ZBTB1: variants seen among roughly 807,000 people sequenced by gnomAD.
The protein encoded by ZBTB1 is zinc finger and BTB domain containing 1.
A neutral mutation model predicts 51.6 loss-of-function variants in ZBTB1; 13 were observed. That is an observed-to-expected ratio of 0.25 (90% CI 0.16 to 0.40). The LOEUF (loss-of-function observed/expected upper bound fraction) is 0.40, where lower values mean the gene tolerates loss of function less well. Ranked by LOEUF, ZBTB1 falls within the 10% of genes least tolerant of loss-of-function variation. ZBTB1 has a pLI of 1.00. For missense variants in ZBTB1, 567 were observed against 856.5 expected, an observed-to-expected ratio of 0.66 and a Z score of 4.22; for synonymous variants, 240 against 282.2, an observed-to-expected ratio of 0.85 and a Z score of 1.50.
intron 1 of ZBTB1, among the ~76,000 whole-genome samples, chr14:64,515,820 C>G: frequency 6.6e-6 from 1 of 152,122 alleles, no homozygotes; most frequent in Non-Finnish European, 1.5e-5. Flanking sequence ...TGCCCGGCCT[C>G]AAAAATTTTT....
At chr14:64,518,930 A>ATATG (rs1291359086) in intron 1 of ZBTB1, among the ~76,000 whole-genome samples, 1 of 143,040 alleles carries the variant, frequency 7.0e-6, no homozygotes, top group East Asian at 2.0e-4. Flanking sequence ...ATATATATAT[A>ATATG]TATATAGTAT....
chr14:64,512,331 G>T (rs577160614), intron 1 of ZBTB1, among the ~76,000 whole-genome samples: 1 of 152,170 alleles, frequency 6.6e-6, no homozygotes, highest in African/African-American at 2.4e-5. Flanking sequence ...CACATATTAA[G>T]TGTCAACTAT....
chr14:64,506,145 C>G (rs1202788800), intron 1 of ZBTB1, among the ~76,000 whole-genome samples: 1 of 152,188 alleles, frequency 6.6e-6, no homozygotes, highest in Non-Finnish European at 1.5e-5. Flanking sequence ...AACCTCAAAA[C>G]TTTGCTTTTG....
chr14:64,517,781 ATTTTTTTTTT>A (rs10590459), intron 1 of ZBTB1, among the ~76,000 whole-genome samples: 6 of 41,550 alleles, frequency 1.4e-4, no homozygotes, highest in African/African-American at 4.4e-4. Context: ...ATATATATAT[ATTTTTTTTTT>A]TTTTTTTTTT....
downstream of ZBTB1, among the ~76,000 whole-genome samples, chr14:64,525,890 G>A (rs766615205): frequency 2.0e-5 from 3 of 151,964 alleles, no homozygotes; most frequent in Non-Finnish European, 4.4e-5. Context: ...GTACAATCTT[G>A]GCTCACTGCA....
intron 2 of ZBTB1, among the ~76,000 whole-genome samples, chr14:64,531,198 T>C (rs2079939736): frequency 6.6e-6 from 1 of 152,160 alleles, no homozygotes; most frequent in Non-Finnish European, 1.5e-5. Context: ...ATTCTAAGCA[T>C]CCAGATTATG....
In ZBTB1 at chr14:64,521,827, A is replaced by G; in HGVS notation, c.323A>G (p.Asn108Ser). The G allele has an allele frequency of 1.9e-6, 3 of 1,611,906 alleles. No individual in the cohort carries two copies. Among genetic ancestry groups the G allele is most frequent in the Non-Finnish European group, 2.5e-6 (3 of 1,180,020 alleles). ...GCAATGAACTACCTACAGCTATACA[A>G]TGTTCCTGACTGTTTAGAAGACATC... ...KVAMNYLQLY[N>S]VPDCLEDIQD... The change falls in exon 2 of 2, where the codon AAT becomes AGT. Residue 108 changes from asparagine to serine, a missense_variant. Transcript: ENST00000683701.
chr14:64,533,090 G>A (rs1415945204), exon 3 of ZBTB1: 1 of 152,064 alleles, frequency 6.6e-6, no homozygotes, highest in Non-Finnish European at 1.5e-5. Context: ...AGTATGTGCA[G>A]AAGTTACATC....
In ZBTB1 at chr14:64,521,552, C is replaced by G; in HGVS notation, c.48C>G (p.Asn16Lys). Residue 16 changes from asparagine (N) to lysine (K), a missense_variant, in exon 2 of 2, where the codon AAC becomes AAG. Asn to Lys is a moderately conservative substitution (Grantham distance 94). This residue lies in a region of ZBTB1 where 69 missense variants were observed against 136.4 expected (regional missense o/e 0.51). Coordinates refer to ENST00000683701, the MANE Select transcript of ZBTB1 (RefSeq NM_001123329.2). ...HSSYVLQQLN[N>K]QREWGFLCDC... is the part of the protein sequence containing the mutation. The stretch of plus-strand genomic sequence containing the variant: ...GCTATGTCCTTCAGCAGCTAAACAA[C>G]CAAAGAGAATGGGGTTTTCTCTGTG... 6.2e-7 allele frequency: 1 copy of G among 1,613,978 alleles called. No individual in the cohort carries two copies. Among genetic ancestry groups the G allele is most frequent in the Non-Finnish European group, 8.5e-7 (1 of 1,179,922 alleles).
chr14:64,514,136 T>G (rs1248729409), intron 1 of ZBTB1: 1 of 152,252 alleles, frequency 6.6e-6, no homozygotes, highest in East Asian at 1.9e-4. Context: ...AATGTAAGAA[T>G]CCTTTCATTA....
downstream of ZBTB1, among the ~76,000 whole-genome samples, chr14:64,529,470 G>C (rs1252885559): frequency 2.0e-5 from 3 of 152,138 alleles, no homozygotes; most frequent in Non-Finnish European, 4.4e-5. Context: ...AGATTATGTG[G>C]ATAAGAAATT....
intron 1 of ZBTB1, among the ~76,000 whole-genome samples, chr14:64,515,602 G>A (rs1357472820): frequency 6.7e-6 from 1 of 150,084 alleles, no homozygotes; most frequent in African/African-American, 2.5e-5. Flanking sequence ...CTCACTGTAA[G>A]CTCCGCCTCC....
chr14:64,513,847 A>T (rs2079752291), intron 1 of ZBTB1, among the ~76,000 whole-genome samples: 1 of 152,070 alleles, frequency 6.6e-6, no homozygotes, highest in Admixed American at 6.6e-5. Flanking sequence ...TTTTGTAGAG[A>T]CAGAGTTTCA....
At chr14:64,519,763 G>GC (rs2079840432) in intron 1 of ZBTB1, among the ~76,000 whole-genome samples, 1 of 150,052 alleles carries the variant, frequency 6.7e-6, no homozygotes, top group African/African-American at 2.5e-5. Flanking sequence ...AGGTAACAGA[G>GC]CGAGACCCTG....
chr14:64,507,136 T>C (rs767926506), intron 1 of ZBTB1, among the ~76,000 whole-genome samples: 1 of 152,156 alleles, frequency 6.6e-6, no homozygotes, highest in African/African-American at 2.4e-5. Context: ...GGTATAGAAA[T>C]ACAGAAAAAT....
At chr14:64,527,157 TA>T (rs551980162), downstream of ZBTB1, among the ~76,000 whole-genome samples, 1,946 of 144,410 alleles carry the variant, frequency 0.013, 25 homozygotes, top group South Asian at 0.067. Context: ...GCTAATAATT[TA>T]AAAAAAAAAA....
chr14:64,531,694 T>A (rs1373005467), intron 2 of ZBTB1, among the ~76,000 whole-genome samples: 1 of 152,226 alleles, frequency 6.6e-6, no homozygotes, highest in Non-Finnish European at 1.5e-5. Context: ...AATAATTAAA[T>A]TTAAATTCTA....
Position 64,523,362 on chromosome 14 carries a change from C to T in ZBTB1, c.1858C>T (p.Gln620Ter), listed in dbSNP as rs1425520953. The change falls in exon 2 of 2, where the codon CAG (glutamine) becomes TAG (stop). Residue 620 changes from glutamine (Q) to a stop codon, truncating the protein, a stop_gained. Transcript: ENST00000683701. LOFTEE classifies it high-confidence loss of function. This position sits in a 1 kb window ranked among gnomAD's most constrained non-coding sequence, Gnocchi z 4.5. ...TGGAAAGCAGTTTTTAAGAGAGCGT[C>T]AGTTGCGACTGCACAATGATATGCA... ...TCGKQFLRER[Q>*]LRLHNDMHKG... 1 of 1,614,180 alleles carries T rather than the reference C, an allele frequency of 6.2e-7. No individual in the cohort carries two copies. The highest frequency in any genetic ancestry group is 8.5e-7 in the Non-Finnish European group (1 of 1,180,014).
rs2079868563 is a variant in ZBTB1 at position 64,522,351 on chromosome 14, A to C, written c.847A>C (p.Lys283Gln). 6.2e-7 allele frequency: 1 copy of C among 1,614,200 alleles called. No homozygotes were observed. Among genetic ancestry groups the C allele is most frequent in the Non-Finnish European group, 8.5e-7 (1 of 1,180,038 alleles). Residue 283 changes from lysine to glutamine, a missense_variant, in exon 2 of 2, where the codon AAA becomes CAA. Transcript: ENST00000683701. The stretch of plus-strand genomic sequence containing the variant: ...CAAAACATTTTCTGCACAGACGGAC[A>C]AATACAGAGGAGACACAAGCCAGGC... The part of the protein sequence containing the change: ...SSKTFSAQTD[K>Q]YRGDTSQAAD...
Sources: gnomAD v4.1 joint callset for allele counts (sites outside exome capture counted in the v4.1 genomes callset) on GRCh38, gnomAD v4.1.1 for gene constraint, gnomAD v4.1.1 regional missense constraint, Gnocchi (gnomAD v3.1) non-coding constraint, MANE v1.5 for transcripts, NCBI Gene and HGNC (gene_info 2026-07-23, HGNC 2026-07-21) for gene names.